EYA2: variants seen among roughly 807,000 people sequenced by gnomAD.
EYA2 encodes EYA transcriptional coactivator and phosphatase 2, also known as protein phosphatase EYA2.
A neutral mutation model predicts 69.2 loss-of-function variants in EYA2; 31 were observed. That is an observed-to-expected ratio of 0.45 (90% CI 0.34 to 0.60). The LOEUF (loss-of-function observed/expected upper bound fraction) is 0.60, where lower values mean the gene tolerates loss of function less well. Among genes scored for constraint, EYA2 ranks in the 20% least tolerant of loss-of-function variants. EYA2 has a pLI of 0.02. For synonymous variants in EYA2, 257 were observed against 279.4 expected, an observed-to-expected ratio of 0.92 and a Z score of 0.80; for missense variants, 622 against 701.2, an observed-to-expected ratio of 0.89 and a Z score of 1.28.
rs1385431389 is a variant in EYA2, at chr20:47,155,877, G to GA, written c.978+12733dup. ...ACATGCATCAACTGAATGGATGGAA[G>GA]AAAAGAGTCTTTCAGGGGGCCAGCC... On this transcript the variant is annotated intron_variant, in intron 10 of 15. Transcript: ENST00000327619. 2.7e-5 allele frequency among the ~76,000 whole-genome samples: 4 copies of GA among 150,916 alleles called. No individual in the cohort carries two copies. In the East Asian group the frequency reaches 8.2e-4, roughly 31 times the overall value.
chr20:47,075,864 C>T (rs902260760), intron 7 of EYA2, among the ~76,000 whole-genome samples: 3 of 152,144 alleles, frequency 2.0e-5, no homozygotes, highest in African/African-American at 7.2e-5. Context: ...CATCCTCTAC[C>T]CTCAAGTAGG....
intron 14 of EYA2, among the ~76,000 whole-genome samples, chr20:47,182,215 T>C (rs8117199): frequency 6.6e-6 from 1 of 151,268 alleles, no homozygotes; most frequent in East Asian, 2.0e-4. Context: ...GGGTTTCACC[T>C]TGTTGGCCAG....
rs1005211029 is a variant in EYA2 at position 47,107,812 on chromosome 20, G to A, written c.888+10644G>A. ...AGAGGAAGAAGGAAGGGAAGGGAAG[G>A]GGAAAGAAGAAGAAATAAGAAGAAA... is the stretch of plus-strand genomic sequence containing the variant. On this transcript the variant is annotated intron_variant, in intron 9 of 15. Coordinates refer to ENST00000327619, the MANE Select transcript of EYA2 (RefSeq NM_005244.5). 3.3e-5 allele frequency among the ~76,000 whole-genome samples: 5 copies of A among 151,770 alleles called. No homozygotes were observed. The East Asian group carries it at 9.7e-4, about 29-fold the overall frequency.
intron 1 of EYA2, among the ~76,000 whole-genome samples, chr20:46,949,845 C>T (rs773516816): frequency 1.1e-4 from 17 of 152,244 alleles, no homozygotes; most frequent in Non-Finnish European, 2.2e-4. Flanking sequence ...GGCTGTGCCA[C>T]TTACCCACTG....
At chr20:47,163,513 A>G (rs1186159621) in intron 10 of EYA2, among the ~76,000 whole-genome samples, 2 of 151,988 alleles carry the variant, frequency 1.3e-5, no homozygotes, top group African/African-American at 2.4e-5. Context: ...GGCCTGACCA[A>G]GATGGAGAAA....
intron 10 of EYA2, among the ~76,000 whole-genome samples, chr20:47,155,651 C>A (rs2146621127): frequency 6.6e-6 from 1 of 152,028 alleles, no homozygotes; most frequent in South Asian, 2.1e-4. Flanking sequence ...CTCACCGCAT[C>A]CTCACAGCAG....
intron 5 of EYA2, among the ~76,000 whole-genome samples, chr20:47,038,038 G>A (rs185833554): frequency 2.0e-5 from 3 of 152,230 alleles, no homozygotes; most frequent in African/African-American, 7.2e-5. Flanking sequence ...AACTGCCCTT[G>A]CAGGGTTTAC....
intron 9 of EYA2, among the ~76,000 whole-genome samples, chr20:47,133,781 A>C (rs2033397123): frequency 6.6e-6 from 1 of 152,190 alleles, no homozygotes; most frequent in Non-Finnish European, 1.5e-5. Context: ...ACACATGCCA[A>C]GTGTTGCCAA....
chr20:46,983,131 A>T (rs532346849), intron 1 of EYA2, among the ~76,000 whole-genome samples: 1 of 152,188 alleles, frequency 6.6e-6, no homozygotes, highest in African/African-American at 2.4e-5. Context: ...TCTTAAATCA[A>T]TTTTTTTATT....
intron 5 of EYA2, among the ~76,000 whole-genome samples, chr20:47,040,971 G>C (rs1329301444): frequency 6.6e-6 from 1 of 152,192 alleles, no homozygotes; most frequent in Non-Finnish European, 1.5e-5. Context: ...AGGCTCCACT[G>C]TGTGCTCACA....
intron 1 of EYA2, among the ~76,000 whole-genome samples, chr20:46,975,093 C>T (rs1355612013): frequency 1.5e-5 from 2 of 130,720 alleles, no homozygotes; most frequent in Admixed American, 1.5e-4. Context: ...GGTTTTGGGT[C>T]GGGTGGGTCT....
In EYA2 at chr20:46,985,371, C is replaced by T. The variant is rs556421211; in HGVS notation, c.-10-4630C>T. ...TAGGCAAGGGCCTAAGGTGAATACA[C>T]CAGAAGCCTTAGTAGCAATACTCTG... On this transcript the variant is annotated intron_variant, in intron 1 of 15. Coordinates refer to ENST00000327619, the MANE Select transcript of EYA2 (RefSeq NM_005244.5). Among the ~76,000 whole-genome samples, 23 of 152,302 alleles carry T rather than the reference C, an allele frequency of 1.5e-4. No individual in the cohort carries two copies. In the South Asian group the frequency reaches 4.8e-3, roughly 32 times the overall value.
chr20:46,916,076 C>G (rs904221633), intron 1 of EYA2, among the ~76,000 whole-genome samples: 3 of 152,164 alleles, frequency 2.0e-5, no homozygotes, highest in African/African-American at 4.8e-5. Context: ...ATTTCATATG[C>G]AAAGAGAATA....
chr20:47,014,763 T>C (rs1983309265), intron 4 of EYA2, among the ~76,000 whole-genome samples: 1 of 151,696 alleles, frequency 6.6e-6, no homozygotes, highest in Non-Finnish European at 1.5e-5. Flanking sequence ...TATATGTGTG[T>C]ATATATACAC....
In EYA2 at chr20:47,001,430, A is replaced by T; in HGVS notation, c.112A>T (p.Ile38Phe). The T allele has an allele frequency of 3.1e-6, 5 of 1,614,178 alleles. No individual in the cohort carries two copies. Among genetic ancestry groups the T allele is most frequent in the Non-Finnish European group, 4.2e-6 (5 of 1,180,018 alleles). The stretch of plus-strand genomic sequence containing the variant: ...CAATTTTTCTTTTTCTCCTGCAGGC[A>T]TCACCAAATCGGCCCCCCTGAGAGT... The part of the protein sequence containing the change: ...AVWTLSDRQG[I>F]TKSAPLRVSQ... Residue 38 changes from isoleucine to phenylalanine, a missense_variant and splice_region_variant, in exon 3 of 16, where the codon ATC (isoleucine) becomes TTC (phenylalanine). Around this residue, in one of 2 missense-constraint regions of EYA2, gnomAD observed 365 missense variants for 349.7 expected, o/e 1.04. Coordinates refer to ENST00000327619, the MANE Select transcript of EYA2 (RefSeq NM_005244.5).
intron 9 of EYA2, among the ~76,000 whole-genome samples, chr20:47,107,170 C>G (rs907116298): frequency 1.3e-5 from 2 of 152,182 alleles, no homozygotes; most frequent in Admixed American, 6.5e-5. Context: ...CCATTAAAAA[C>G]TCTGCCCTCA....
chr20:47,011,815 G>A (rs1407862526), intron 4 of EYA2, among the ~76,000 whole-genome samples: 2 of 152,052 alleles, frequency 1.3e-5, no homozygotes, highest in African/African-American at 4.8e-5. Flanking sequence ...CTTCTTTTTA[G>A]CACCTTAAGA....
intron 1 of EYA2, among the ~76,000 whole-genome samples, chr20:46,931,940 G>A (rs1318837956): frequency 2.0e-5 from 3 of 150,604 alleles, no homozygotes; most frequent in Non-Finnish European, 4.4e-5. Context: ...GCCACAAATA[G>A]CTTGAACACT....
chr20:46,974,580 A>G (rs1239111599), intron 1 of EYA2, among the ~76,000 whole-genome samples: 1 of 152,088 alleles, frequency 6.6e-6, no homozygotes, highest in East Asian at 1.9e-4. Flanking sequence ...TTGGTAGGAT[A>G]CCAGGACTCC....
Sources: allele counts gnomAD v4.1 joint callset (sites outside exome capture counted in the v4.1 genomes callset), GRCh38; gene constraint gnomAD v4.1.1; regional missense constraint gnomAD v4.1.1; transcripts MANE v1.5; gene names NCBI Gene and HGNC (gene_info 2026-07-23, HGNC 2026-07-21).